RMDN1: variants seen among roughly 807,000 people sequenced by gnomAD.
RMDN1 encodes the protein regulator of microtubule dynamics protein 1.
A neutral mutation model predicts 48.9 loss-of-function variants in RMDN1; 48 were observed. That is an observed-to-expected ratio of 0.98 (90% CI 0.78 to 1.25). RMDN1 has a LOEUF of 1.25. RMDN1 is among the 50% of genes most tolerant of loss of function. The probability of loss-of-function intolerance (pLI) is 0.00; values close to 1 mark genes in which losing one functional copy is unlikely to be tolerated. For missense variants in RMDN1, 418 were observed against 373.4 expected (o/e 1.12, Z -0.98); for synonymous variants, 148 against 132.6 (o/e 1.12, Z -0.80).
downstream of RMDN1, chr8:86,468,369 T>C (rs1812282253): frequency 2.2e-6 from 1 of 453,924 alleles, no homozygotes; most frequent in Non-Finnish European, 4.4e-6. Flanking sequence ...ATCTGCTTGG[T>C]TGAATAGACT....
At chr8:86,502,090 T>G (rs892818330) in intron 2 of RMDN1, among the ~76,000 whole-genome samples, 3 of 152,204 alleles carry the variant, frequency 2.0e-5, no homozygotes, top group Non-Finnish European at 4.4e-5. Context: ...AAATCTCTGC[T>G]TCTTTCCCCA....
At chr8:86,485,985 C>T (rs193131041) in intron 4 of RMDN1, among the ~76,000 whole-genome samples, 5 of 152,274 alleles carry the variant, frequency 3.3e-5, no homozygotes, top group Admixed American at 3.3e-4. Flanking sequence ...CTCGTCTCCC[C>T]GTACGATTTA....
At chr8:86,496,665 G>A (rs1817399846) in intron 2 of RMDN1, among the ~76,000 whole-genome samples, 1 of 152,140 alleles carries the variant, frequency 6.6e-6, no homozygotes, top group South Asian at 2.1e-4. Flanking sequence ...GACCTACAAA[G>A]AGACTTAGAT....
intron 8 of RMDN1, among the ~76,000 whole-genome samples, chr8:86,476,784 C>T (rs72690415): frequency 0.054 from 8,237 of 152,270 alleles, 314 homozygotes; most frequent in Non-Finnish European, 0.086. Flanking sequence ...TAGCCTGGAA[C>T]TCCTGGGCTC....
In RMDN1 at chr8:86,473,983, C is replaced by T. The variant is rs1183120308; in HGVS notation, c.*325G>A. The T allele has an allele frequency of 1.9e-6, 2 of 1,067,232 alleles. No individual in the cohort carries two copies. 66.1% of individuals were successfully genotyped at this position (1,067,232 alleles called of 1,614,324 possible). A position where few individuals can be genotyped will look rare whatever the true frequency, so the allele number is the denominator to read the frequency against. The stretch of plus-strand genomic sequence containing the variant: ...GTATATCCCCTATAGATCCATTTCC[C>T]CTCCTCTACAAATATTTCTTTGCTT... On this transcript the variant is annotated 3_prime_UTR_variant, in exon 10 of 10. Coordinates refer to ENST00000406452, the MANE Select transcript of RMDN1 (RefSeq NM_016033.3).
chr8:86,474,968 GA>G lies in RMDN1; in HGVS notation c.761-16del, dbSNP rs781099606. 1.9e-6 allele frequency: 3 copies of G among 1,575,164 alleles called. No homozygotes were observed. Among genetic ancestry groups the G allele is most frequent in the African/African-American group, 1.4e-5 (1 of 72,646 alleles). ...GTTTGGATCCACTGCACATAAGAAA[GA>G]AAAAATGATCTCAGAGGAAACAGTG... On this transcript the variant is annotated splice_polypyrimidine_tract_variant and intron_variant, in intron 8 of 9. Transcript: ENST00000406452.
intron 3 of RMDN1, among the ~76,000 whole-genome samples, chr8:86,487,893 G>A (rs1815755247): frequency 6.6e-6 from 1 of 152,086 alleles, no homozygotes. Flanking sequence ...AACTGGTTTT[G>A]AAAATCTAAA....
chr8:86,477,417 T>C, intron 7 of RMDN1, 93 bp from the exon 8 acceptor site: 1 of 982,266 alleles, frequency 1.0e-6, no homozygotes, highest in Non-Finnish European at 1.5e-6. Flanking sequence ...TGCTATATTA[T>C]ATTTAAGTCA....
downstream of RMDN1, among the ~76,000 whole-genome samples, chr8:86,469,014 G>A (rs1812321630): frequency 6.6e-6 from 1 of 151,976 alleles, no homozygotes; most frequent in Non-Finnish European, 1.5e-5. Context: ...CTTCATTTTG[G>A]TGACTCCCCC....
rs563877330 is a variant in RMDN1 at position 86,483,802 on chromosome 8, A to C, written c.585+1070T>G. Among the ~76,000 whole-genome samples the C allele has an allele frequency of 3.3e-5, 5 of 151,794 alleles. No individual in the cohort carries two copies. The East Asian group carries it at 9.7e-4, about 29-fold the overall frequency. On this transcript the variant is annotated intron_variant, in intron 5 of 9. Transcript: ENST00000406452. ...TTCCTATAATCTCAAAAGAGAAATA[A>C]ATATGCTGGTATTTTTGTGGTAGTT... is the stretch of plus-strand genomic sequence containing the variant.
At chr8:86,502,590 A>T (rs993620057) in intron 2 of RMDN1, among the ~76,000 whole-genome samples, 1 of 152,160 alleles carries the variant, frequency 6.6e-6, no homozygotes, top group Non-Finnish European at 1.5e-5. Context: ...CCAATAAGAA[A>T]TTTGATGGAT....
chr8:86,505,591 G>A (rs1291301510), intron 2 of RMDN1, among the ~76,000 whole-genome samples: 2 of 152,174 alleles, frequency 1.3e-5, no homozygotes, highest in Admixed American at 6.5e-5. Context: ...TGGGATACAG[G>A]TGCAGAATGC....
At chr8:86,470,041 TTGAGA>T (rs1487492261), downstream of RMDN1, 1 of 486,004 alleles carries the variant, frequency 2.1e-6, no homozygotes. Flanking sequence ...AAAAACTCAG[TTGAGA>T]TAACTTGGCC....
chr8:86,504,956 T>G, intron 2 of RMDN1: 1 of 1,347,348 alleles, frequency 7.4e-7, no homozygotes, highest in African/African-American at 1.4e-5. Context: ...CTTTTGAGGA[T>G]ATCACATGGG....
intron 7 of RMDN1, chr8:86,478,720 A>G (rs745930413): frequency 5.6e-6 from 3 of 536,600 alleles, no homozygotes; most frequent in Non-Finnish European, 9.9e-6. Flanking sequence ...CAGAATTACC[A>G]GCCACTCACC....
rs73273156 is a variant in RMDN1, at chr8:86,482,073, G to A, written c.586-1741C>T. On this transcript the variant is annotated intron_variant, in intron 5 of 9. Coordinates refer to ENST00000406452, the MANE Select transcript of RMDN1 (RefSeq NM_016033.3). Reference sequence around the variant, plus strand: ...TGGTCCTCCTGCTAAAGCTCACGCGGCACGCAGCTGCTCCTCTGGACCTCG... The same window carrying A: ...TGGTCCTCCTGCTAAAGCTCACGCGACACGCAGCTGCTCCTCTGGACCTCG... The A allele has an allele frequency of 1.6e-3, 980 of 624,214 alleles. 7 individuals carry two copies. The highest frequency in any genetic ancestry group is 0.015 in the African/African-American group (826 of 53,488). 38.7% of individuals were successfully genotyped at this position (624,214 alleles called of 1,614,324 possible).
intron 5 of RMDN1, chr8:86,481,649 C>T (rs11984619): frequency 3.0e-6 from 1 of 331,920 alleles, no homozygotes; most frequent in African/African-American, 2.2e-5. Context: ...AGGAGAAGAC[C>T]TAAGACCCAA....
At chr8:86,508,331 G>A in intron 1 of RMDN1, 161 bp downstream of exon 1, 1 of 729,652 alleles carries the variant, frequency 1.4e-6, no homozygotes, top group Non-Finnish European at 2.1e-6. Flanking sequence ...TTTGCAAAAT[G>A]GAAGGGACCT....
chr8:86,496,659 T>A (rs1817397337), intron 2 of RMDN1, among the ~76,000 whole-genome samples: 1 of 152,200 alleles, frequency 6.6e-6, no homozygotes, highest in Admixed American at 6.5e-5. Flanking sequence ...CTTAGAGACC[T>A]ACAAAGAGAC....
Sources: allele counts gnomAD v4.1 joint callset (sites outside exome capture counted in the v4.1 genomes callset), GRCh38; gene constraint gnomAD v4.1.1; transcripts MANE v1.5; gene names NCBI Gene and HGNC (gene_info 2026-07-23, HGNC 2026-07-21).